The following MDGA2 variants were observed in gnomAD, a reference collection of about 807,000 sequenced individuals.
The protein encoded by MDGA2 is MAM domain-containing glycosylphosphatidylinositol anchor protein 2.
MDGA2 carries 40 observed loss-of-function variants against 117.8 expected under a neutral mutation model. The ratio of observed to expected loss-of-function variants is 0.34; its 90% confidence interval spans 0.26 to 0.44. The LOEUF is 0.44. MDGA2 is among the 20% of genes least tolerant of loss of function. The probability of loss-of-function intolerance (pLI) is 1.00; values close to 1 mark genes in which losing one functional copy is unlikely to be tolerated. For missense variants in MDGA2, 1,123 were observed against 1,250.6 expected (o/e 0.90, Z 1.54); for synonymous variants, 452 against 439.0 (o/e 1.03, Z -0.37).
chr14:47,141,511 T>C (rs1882717197), intron 4 of MDGA2, among the ~76,000 whole-genome samples: 2 of 152,216 alleles, frequency 1.3e-5, no homozygotes, highest in African/African-American at 4.8e-5. Context: ...TTTTACCTAA[T>C]ATAATGTTCT....
chr14:47,437,935 C>T (rs1244731945), intron 1 of MDGA2, among the ~76,000 whole-genome samples: 1 of 152,126 alleles, frequency 6.6e-6, no homozygotes, highest in Non-Finnish European at 1.5e-5. Flanking sequence ...AAGGTCAAGT[C>T]TTATGTGTGG....
At chr14:46,961,744 G>A (rs1283630355) in intron 8 of MDGA2, among the ~76,000 whole-genome samples, 1 of 151,576 alleles carries the variant, frequency 6.6e-6, no homozygotes, top group Non-Finnish European at 1.5e-5. Flanking sequence ...TCAGGTTCAC[G>A]CCATTCTCCT....
chr14:46,987,158 C>T (rs1886890560), intron 8 of MDGA2, among the ~76,000 whole-genome samples: 1 of 152,008 alleles, frequency 6.6e-6, no homozygotes, highest in Admixed American at 6.6e-5. Context: ...TGACAGAAAA[C>T]TTATTTTCAA....
chr14:47,387,508 C>T (rs1052287859), intron 1 of MDGA2, among the ~76,000 whole-genome samples: 1 of 152,126 alleles, frequency 6.6e-6, no homozygotes, highest in Non-Finnish European at 1.5e-5. Flanking sequence ...TCCTCTATTA[C>T]TCTCCTTTGT....
intron 8 of MDGA2, among the ~76,000 whole-genome samples, chr14:47,034,430 C>T (rs1199256815): frequency 6.6e-6 from 1 of 152,046 alleles, no homozygotes; most frequent in East Asian, 1.9e-4. Context: ...AAAAATTCAG[C>T]ACCTAAGACT....
intron 1 of MDGA2, among the ~76,000 whole-genome samples, chr14:47,320,707 A>G (rs574703528): frequency 1.3e-5 from 2 of 152,322 alleles, no homozygotes; most frequent in East Asian, 3.9e-4. Context: ...CAAGTGAAGA[A>G]GCCCAATTTT....
At chr14:47,070,600 T>A (rs371923815) in intron 6 of MDGA2, among the ~76,000 whole-genome samples, 5 of 144,882 alleles carry the variant, frequency 3.5e-5, no homozygotes, top group South Asian at 2.3e-4. Flanking sequence ...ACTTTTTTTT[T>A]ATTATTTTAT....
intron 7 of MDGA2, among the ~76,000 whole-genome samples, chr14:47,036,343 T>C (rs1458864701): frequency 2.0e-5 from 3 of 151,920 alleles, no homozygotes; most frequent in Non-Finnish European, 4.4e-5. Context: ...ACAGAGAATA[T>C]TTATGAGAAG....
rs181346821 is a variant in MDGA2 at position 47,380,205 on chromosome 14, G to A, written c.281-78655C>T. Among the ~76,000 whole-genome samples, 173 of 152,170 alleles carry A rather than the reference G, an allele frequency of 1.1e-3. 1 individual carries two copies. Among genetic ancestry groups the A allele is most frequent in the African/African-American group, 4.1e-3 (169 of 41,494 alleles). ...AAGACACAACATACGAGAACCTCTC[G>A]GACACATTTAAAGCAGTGTGTAGAG... On this transcript the variant is annotated intron_variant, in intron 1 of 16. Transcript: ENST00000399232.
chr14:47,218,615 T>C (rs1886187583), intron 2 of MDGA2, among the ~76,000 whole-genome samples: 1 of 152,164 alleles, frequency 6.6e-6, no homozygotes. Context: ...TTTTTGGACA[T>C]GCCTCATTCT....
At chr14:47,444,551 A>T (rs535316509) in intron 1 of MDGA2, 1 of 156,846 alleles carries the variant, frequency 6.4e-6, no homozygotes, top group East Asian at 1.7e-4. Flanking sequence ...TAAATGAGAG[A>T]TCATCTTGCT....
At chr14:47,573,103 C>G (rs918949214) in intron 1 of MDGA2, among the ~76,000 whole-genome samples, 3 of 152,054 alleles carry the variant, frequency 2.0e-5, no homozygotes, top group African/African-American at 7.2e-5. Flanking sequence ...GATTATTTCT[C>G]TAATTTAATG....
chr14:47,016,586 C>G (rs945360620), intron 8 of MDGA2, among the ~76,000 whole-genome samples: 5 of 151,880 alleles, frequency 3.3e-5, no homozygotes, highest in African/African-American at 1.2e-4. Context: ...TCTGAATATG[C>G]ATATATGAGG....
chr14:47,498,110 A>T (rs1272113298), intron 1 of MDGA2, among the ~76,000 whole-genome samples: 1 of 152,202 alleles, frequency 6.6e-6, no homozygotes, highest in Non-Finnish European at 1.5e-5. Flanking sequence ...GTAATCATCT[A>T]ACAGGCTCCA....
At chr14:47,242,747 C>T (rs1040448166) in intron 2 of MDGA2, among the ~76,000 whole-genome samples, 2 of 151,904 alleles carry the variant, frequency 1.3e-5, no homozygotes, top group African/African-American at 2.4e-5. Flanking sequence ...GGCCCCTGTG[C>T]GGCCCGAGCC....
intron 1 of MDGA2, among the ~76,000 whole-genome samples, chr14:47,535,866 T>A (rs1328185543): frequency 6.6e-6 from 1 of 152,184 alleles, no homozygotes; most frequent in Non-Finnish European, 1.5e-5. Context: ...ACAACAATTG[T>A]TTATTCTCAC....
chr14:47,437,899 A>C (rs886314302), intron 1 of MDGA2, among the ~76,000 whole-genome samples: 4 of 152,144 alleles, frequency 2.6e-5, no homozygotes, highest in Non-Finnish European at 4.4e-5. Context: ...ACTCTAATAA[A>C]GGCAACATTT....
chr14:47,460,023 T>C (rs1893449828), intron 1 of MDGA2, among the ~76,000 whole-genome samples: 2 of 152,184 alleles, frequency 1.3e-5, no homozygotes, highest in Non-Finnish European at 2.9e-5. Flanking sequence ...CCTTAATTTG[T>C]ATCTGTTATT....
intron 8 of MDGA2, among the ~76,000 whole-genome samples, chr14:47,002,964 G>C (rs1309369912): frequency 6.6e-6 from 1 of 152,018 alleles, no homozygotes; most frequent in Non-Finnish European, 1.5e-5. Context: ...TCAACCCCAA[G>C]TTTCTTCATG....
Sources: allele counts gnomAD v4.1 joint callset (sites outside exome capture counted in the v4.1 genomes callset), GRCh38; gene constraint gnomAD v4.1.1; transcripts MANE v1.5; gene names NCBI Gene and HGNC (gene_info 2026-07-23, HGNC 2026-07-21).